GRID2: variants seen among roughly 807,000 people sequenced by gnomAD.
GRID2 encodes the protein glutamate ionotropic receptor delta type subunit 2, also known as glutamate receptor ionotropic, delta-2.
In GRID2, 33 loss-of-function variants were observed where a neutral mutation model predicts 114.8. The ratio of observed to expected loss-of-function variants is 0.29; its 90% CI spans 0.22 to 0.38. The LOEUF is 0.38. Ranked by LOEUF, GRID2 falls within the 10% of genes least tolerant of loss-of-function variation. The pLI is 1.00. For missense variants in GRID2, 1,184 were observed against 1,257.7 expected, an observed-to-expected ratio of 0.94 and a Z score of 0.89; for synonymous variants, 505 against 449.9, an observed-to-expected ratio of 1.12 and a Z score of -1.55.
At chr4:93,803,954 G>A (rs1022456933) in intron 1 of GRID2, among the ~76,000 whole-genome samples, 4 of 152,154 alleles carry the variant, frequency 2.6e-5, no homozygotes, top group Non-Finnish European at 5.9e-5. Flanking sequence ...GGTGTGTGGC[G>A]CTTCCTGGCT....
chr4:92,896,942 A>T lies in GRID2; in HGVS notation c.245-188053A>T, dbSNP rs557863672. 1.3e-5 allele frequency among the ~76,000 whole-genome samples: 2 copies of T among 152,078 alleles called. 1 individual carries two copies. Among genetic ancestry groups the T allele is most frequent in the African/African-American group, 4.8e-5 (2 of 41,486 alleles). ...TTTTTAGTAGAGACGGGGTTTCATC[A>T]TGTTTGCCAGGCTGATCTCGAACTC... is the stretch of plus-strand genomic sequence containing the variant. On this transcript the variant is annotated intron_variant, in intron 2 of 15. Transcript: ENST00000282020.
intron 2 of GRID2, among the ~76,000 whole-genome samples, chr4:92,722,412 T>C (rs896272950): frequency 6.6e-6 from 1 of 152,034 alleles, no homozygotes; most frequent in Non-Finnish European, 1.5e-5. Flanking sequence ...AAAAATAAAA[T>C]GCCCTAGAAT....
intron 1 of GRID2, among the ~76,000 whole-genome samples, chr4:92,492,047 C>T (rs538012562): frequency 8.0e-4 from 122 of 152,282 alleles, no homozygotes; most frequent in Non-Finnish European, 1.3e-3. Flanking sequence ...TTTAGTCATT[C>T]ATAAGCTTGC....
chr4:93,301,974 T>C (rs1168320815), intron 8 of GRID2, among the ~76,000 whole-genome samples: 3 of 152,112 alleles, frequency 2.0e-5, no homozygotes, highest in African/African-American at 4.8e-5. Context: ...TACAAAGATG[T>C]CGCTAAGTAA....
chr4:93,191,606 GT>G (rs1477749731), intron 4 of GRID2, among the ~76,000 whole-genome samples: 1 of 151,484 alleles, frequency 6.6e-6, no homozygotes, highest in Non-Finnish European at 1.5e-5. Context: ...ACTAAGTGTT[GT>G]TTTAAAAAAA....
chr4:93,667,411 G>C lies in GRID2; in HGVS notation c.2360+40976G>C, dbSNP rs780392552. Among the ~76,000 whole-genome samples, 19 of 149,704 alleles carry C rather than the reference G, an allele frequency of 1.3e-4. 1 individual carries two copies. The highest frequency in any genetic ancestry group is 1.8e-4 in the Non-Finnish European group (12 of 67,420). On this transcript the variant is annotated intron_variant, in intron 14 of 15. Transcript: ENST00000282020. Reference sequence around the variant, plus strand: ...CTCTTTTTTTTTTTTCCAAAAATCTGTGCTCTTCATGGCCTTAGTGATAAC... The same window carrying C: ...CTCTTTTTTTTTTTTCCAAAAATCTCTGCTCTTCATGGCCTTAGTGATAAC...
chr4:93,625,323 G>A (rs991300119), intron 13 of GRID2, among the ~76,000 whole-genome samples: 12 of 152,244 alleles, frequency 7.9e-5, no homozygotes, highest in African/African-American at 2.9e-4. Context: ...ACAAAGACAT[G>A]GCTTCCTTTC....
In GRID2 at chr4:93,110,846, A is replaced by C; in HGVS notation, c.628A>C (p.Thr210Pro). 5 of 1,608,972 alleles carry C rather than the reference A, an allele frequency of 3.1e-6. No homozygotes were observed. The highest frequency in any genetic ancestry group is 4.3e-6 in the Non-Finnish European group (5 of 1,175,404). ...AAACAACATCAATAAAATGATTACC[A>C]CTCTCTTTGACACCATGAGAATAGA... ...VENNINKMIT[T>P]LFDTMRIEEL... Residue 210 changes from threonine (T) to proline (P), a missense_variant, in exon 4 of 16, where the codon ACT (threonine) becomes CCT (proline). By Grantham distance (38) the Thr-to-Pro change is conservative. Transcript: ENST00000282020.
intron 14 of GRID2, among the ~76,000 whole-genome samples, chr4:93,656,009 TAAAA>T (rs942626671): frequency 7.3e-5 from 11 of 150,622 alleles, no homozygotes; most frequent in African/African-American, 2.5e-4. Flanking sequence ...CTGAGATACT[TAAAA>T]GAACTCAAAA....
In GRID2 at chr4:93,098,460, TAA is replaced by T. The variant is rs1029380334; in HGVS notation, c.530-12285_530-12284del. 3.6e-4 allele frequency among the ~76,000 whole-genome samples: 54 copies of T among 152,088 alleles called. 1 individual carries two copies. The highest frequency in any genetic ancestry group is 1.3e-3 in the African/African-American group (52 of 41,556). ...ATCTGACAATGGCTAGATGCCATAATAAAAGAGTCTTGCAACTGAAATAATAC... is the reference window on the plus strand; with the variant it reads ...ATCTGACAATGGCTAGATGCCATAATAAGAGTCTTGCAACTGAAATAATAC... On this transcript the variant is annotated intron_variant, in intron 3 of 15. Transcript: ENST00000282020.
intron 8 of GRID2, among the ~76,000 whole-genome samples, chr4:93,388,946 T>C (rs1304734481): frequency 6.6e-6 from 1 of 152,178 alleles, no homozygotes; most frequent in African/African-American, 2.4e-5. Flanking sequence ...CTTTGAGGTA[T>C]CTAAGCAGAG....
chr4:92,826,983 A>G (rs1015599602), intron 2 of GRID2, among the ~76,000 whole-genome samples: 1 of 152,088 alleles, frequency 6.6e-6, no homozygotes, highest in Non-Finnish European at 1.5e-5. Context: ...TAACTGAGAT[A>G]GGAGTTTTTA....
chr4:92,647,578 A>G (rs988219482), intron 2 of GRID2, among the ~76,000 whole-genome samples: 1 of 149,558 alleles, frequency 6.7e-6, no homozygotes. Context: ...TTATTTAGGT[A>G]AAGTGACATT....
At chr4:93,203,225 A>T (rs1742299067) in intron 4 of GRID2, among the ~76,000 whole-genome samples, 1 of 152,172 alleles carries the variant, frequency 6.6e-6, no homozygotes, top group African/African-American at 2.4e-5. Flanking sequence ...TGAAGATGTT[A>T]ACCTAGACCT....
Position 93,377,006 on chromosome 4 carries a change from T to C in GRID2, c.1246-18601T>C, listed in dbSNP as rs561091191. On this transcript the variant is annotated intron_variant, in intron 8 of 15. Coordinates refer to ENST00000282020, the MANE Select transcript of GRID2 (RefSeq NM_001510.4). The stretch of plus-strand genomic sequence containing the variant: ...AATAAAAATAAATTATTCTAAATCT[T>C]GGGAAGTATGATAATGGTGTCATGA... Among the ~76,000 whole-genome samples, 17 of 152,258 alleles carry C rather than the reference T, an allele frequency of 1.1e-4. No individual in the cohort carries two copies. In the South Asian group the frequency reaches 3.5e-3, roughly 32 times the overall value.
intron 6 of GRID2, among the ~76,000 whole-genome samples, chr4:93,223,153 ACTAGTTTTAG>A (rs1311054703): frequency 6.6e-6 from 1 of 152,008 alleles, no homozygotes. Context: ...TGATTCATGG[ACTAGTTTTAG>A]CTGTATAGCA....
At chr4:92,358,143 T>A (rs530652375) in intron 1 of GRID2, among the ~76,000 whole-genome samples, 1 of 150,850 alleles carries the variant, frequency 6.6e-6, no homozygotes, top group African/African-American at 2.4e-5. Context: ...GCATGATGGG[T>A]TCCAGGAAGG....
At chr4:92,931,540 T>C (rs1486364324) in intron 2 of GRID2, among the ~76,000 whole-genome samples, 1 of 150,778 alleles carries the variant, frequency 6.6e-6, no homozygotes, top group Non-Finnish European at 1.5e-5. Context: ...AGTAGAATGA[T>C]AATCATTTGC....
intron 14 of GRID2, among the ~76,000 whole-genome samples, chr4:93,704,075 A>G (rs924908763): frequency 6.6e-6 from 1 of 152,124 alleles, no homozygotes; most frequent in Non-Finnish European, 1.5e-5. Context: ...CGCCACACTG[A>G]CTTCCACAAT....
Sources: gnomAD v4.1 joint callset for allele counts (sites outside exome capture counted in the v4.1 genomes callset) on GRCh38, gnomAD v4.1.1 for gene constraint, MANE v1.5 for transcripts, NCBI Gene and HGNC (gene_info 2026-07-23, HGNC 2026-07-21) for gene names.